ADAMTS3: variants seen among roughly 807,000 people sequenced by gnomAD.
The protein encoded by ADAMTS3 is ADAM metallopeptidase with thrombospondin type 1 motif 3.
In ADAMTS3, 73 loss-of-function variants were observed where a neutral mutation model predicts 129.0. That is an observed-to-expected ratio of 0.57 (90% CI 0.47 to 0.69). The LOEUF (loss-of-function observed/expected upper bound fraction) is 0.69, where lower values mean the gene tolerates loss of function less well. Ranked by LOEUF, ADAMTS3 falls within the 30% of genes least tolerant of loss-of-function variation. The pLI, the probability that ADAMTS3 is intolerant of heterozygous loss-of-function variation, is 0.00. For synonymous variants in ADAMTS3, 477 were observed against 510.8 expected (o/e 0.93, Z 0.89); for missense variants, 1,457 against 1,514.5 (o/e 0.96, Z 0.63).
chr4:72,360,295 C>T (rs374680374), intron 4 of ADAMTS3, among the ~76,000 whole-genome samples: 1 of 152,002 alleles, frequency 6.6e-6, no homozygotes, highest in African/African-American at 2.4e-5. Flanking sequence ...AAGCTTAAAT[C>T]GAGCAATGTC....
At chr4:72,453,338 C>A (rs910659232) in intron 3 of ADAMTS3, among the ~76,000 whole-genome samples, 41 of 151,904 alleles carry the variant, frequency 2.7e-4, no homozygotes, top group African/African-American at 9.6e-4. Flanking sequence ...CCAACAGTGA[C>A]ATAGTCGGCT....
At chr4:72,517,125 T>C (rs1204295014) in intron 3 of ADAMTS3, among the ~76,000 whole-genome samples, 1 of 152,120 alleles carries the variant, frequency 6.6e-6, no homozygotes, top group Non-Finnish European at 1.5e-5. Flanking sequence ...TCTGTTTATA[T>C]GGTGGATTAC....
At chr4:72,557,925 C>T (rs1560567086) in intron 2 of ADAMTS3, among the ~76,000 whole-genome samples, 1 of 151,758 alleles carries the variant, frequency 6.6e-6, no homozygotes, top group Non-Finnish European at 1.5e-5. Flanking sequence ...TAAATAAGTA[C>T]TTCTGCTTAT....
chr4:72,375,450 G>T (rs1721112546), intron 4 of ADAMTS3, among the ~76,000 whole-genome samples: 1 of 152,172 alleles, frequency 6.6e-6, no homozygotes, highest in Admixed American at 6.6e-5. Context: ...GGAAAAGACA[G>T]AGCTTAAATG....
intron 3 of ADAMTS3, among the ~76,000 whole-genome samples, chr4:72,534,633 C>T (rs1028657049): frequency 6.6e-6 from 1 of 152,122 alleles, no homozygotes; most frequent in Non-Finnish European, 1.5e-5. Flanking sequence ...GATCACTATA[C>T]AGTTTGGTTT....
chr4:72,549,947 G>A (rs1219824553), intron 2 of ADAMTS3, among the ~76,000 whole-genome samples: 2 of 71,762 alleles, frequency 2.8e-5, no homozygotes, highest in Non-Finnish European at 5.3e-5. Context: ...AGGGCAACAA[G>A]GGTAAAAAAA....
chr4:72,463,972 G>A (rs903830352), intron 3 of ADAMTS3, among the ~76,000 whole-genome samples: 2 of 151,838 alleles, frequency 1.3e-5, no homozygotes, highest in Non-Finnish European at 1.5e-5. Context: ...CTAAAGGGGC[G>A]CCCATCTCTG....
rs377488603 is a variant in ADAMTS3 at position 72,283,089 on chromosome 4, G to A, written c.*47C>T. 4 of 1,486,392 alleles carry A rather than the reference G, an allele frequency of 2.7e-6. No homozygotes were observed. Among genetic ancestry groups the A allele is most frequent in the East Asian group, 2.3e-5 (1 of 44,048 alleles). 92.1% of individuals were successfully genotyped at this position (1,486,392 alleles called of 1,614,324 possible). ...AGCATATGCACCATGGGAAGAGAGA[G>A]GTTGTCCAGGTTTTCCTCTGGTTTC... On this transcript the variant is annotated 3_prime_UTR_variant, in exon 22 of 22. Coordinates refer to ENST00000286657, the MANE Select transcript of ADAMTS3 (RefSeq NM_014243.3).
chr4:72,340,409 A>C (rs575645558), intron 4 of ADAMTS3, among the ~76,000 whole-genome samples: 2 of 151,980 alleles, frequency 1.3e-5, no homozygotes, highest in East Asian at 3.9e-4. Context: ...TGCCAATAAA[A>C]TATACATATA....
chr4:72,428,041 C>G (rs1314496819), intron 3 of ADAMTS3, among the ~76,000 whole-genome samples: 1 of 90,970 alleles, frequency 1.1e-5, no homozygotes, highest in Admixed American at 1.5e-4. Flanking sequence ...TAACTGAACA[C>G]CTAAAAAAAC....
intron 4 of ADAMTS3, among the ~76,000 whole-genome samples, chr4:72,402,801 G>C (rs913054674): frequency 1.3e-5 from 2 of 152,102 alleles, no homozygotes; most frequent in Non-Finnish European, 2.9e-5. Context: ...CAGTTGGACT[G>C]TCTTCCTTTG....
intron 3 of ADAMTS3, among the ~76,000 whole-genome samples, chr4:72,527,442 T>C (rs1426604543): frequency 6.6e-6 from 1 of 152,202 alleles, no homozygotes; most frequent in Non-Finnish European, 1.5e-5. Context: ...GCAAATACTA[T>C]GCCTGCTTTT....
chr4:72,409,447 T>C (rs1482365110), intron 4 of ADAMTS3, among the ~76,000 whole-genome samples: 1 of 152,200 alleles, frequency 6.6e-6, no homozygotes, highest in Non-Finnish European at 1.5e-5. Flanking sequence ...CAGTCAAACA[T>C]ATTTAAAACC....
intron 4 of ADAMTS3, among the ~76,000 whole-genome samples, chr4:72,355,533 G>T (rs140872485): frequency 6.6e-6 from 1 of 152,110 alleles, no homozygotes; most frequent in African/African-American, 2.4e-5. Flanking sequence ...GGTATTAAGA[G>T]GTGATTAAGT....
At chr4:72,505,301 T>C (rs1395986704) in intron 3 of ADAMTS3, among the ~76,000 whole-genome samples, 2 of 152,188 alleles carry the variant, frequency 1.3e-5, no homozygotes, top group African/African-American at 4.8e-5. Context: ...CTAGAGTGTG[T>C]GACTGAAGAA....
rs1262125812 is a variant in ADAMTS3 at position 72,306,023 on chromosome 4, A to G, written c.2224T>C (p.Leu742=). Residue 742 remains leucine (L), a synonymous_variant, in exon 16 of 22, where the codon TTA becomes CTA. Coordinates refer to ENST00000286657, the MANE Select transcript of ADAMTS3 (RefSeq NM_014243.3). ...FDIPPGARHV[L]IQEDEASPHI... ...GGAGAAGCCTCGTCTTCTTGGATTA[A>G]CACATGTCTAGCCCCAGGGGGTATA... is the stretch of plus-strand genomic sequence containing the variant. 1.2e-6 allele frequency: 2 copies of G among 1,611,882 alleles called. No homozygotes were observed. The highest frequency in any genetic ancestry group is 3.4e-5 in the Admixed American group (2 of 59,666).
intron 5 of ADAMTS3, 130 bp downstream of exon 5, chr4:72,339,364 A>T: frequency 2.5e-6 from 2 of 792,088 alleles, no homozygotes; most frequent in Non-Finnish European, 4.1e-6. Flanking sequence ...TCAATAATTT[A>T]AATTTAATGC....
intron 3 of ADAMTS3, among the ~76,000 whole-genome samples, chr4:72,516,171 G>T (rs1311793513): frequency 2.0e-5 from 3 of 152,032 alleles, no homozygotes; most frequent in Non-Finnish European, 2.9e-5. Context: ...ATTTCTGAGG[G>T]CTCTGTTCTG....
intron 3 of ADAMTS3, among the ~76,000 whole-genome samples, chr4:72,485,023 G>A (rs916575440): frequency 6.6e-6 from 1 of 151,970 alleles, no homozygotes; most frequent in Non-Finnish European, 1.5e-5. Flanking sequence ...GATGAAATGG[G>A]TTGTAAAATG....
Sources: allele counts gnomAD v4.1 joint callset (sites outside exome capture counted in the v4.1 genomes callset), GRCh38; gene constraint gnomAD v4.1.1; transcripts MANE v1.5; gene names NCBI Gene and HGNC (gene_info 2026-07-23, HGNC 2026-07-21).